CDK14: variants seen among roughly 807,000 people sequenced by gnomAD.
CDK14 encodes cyclin dependent kinase 14, also known as cyclin-dependent kinase 14.
Under a neutral mutation model 60.7 loss-of-function variants are expected in CDK14, and 34 were observed. The ratio of observed to expected loss-of-function variants is 0.56; its 90% CI spans 0.43 to 0.75. The LOEUF (loss-of-function observed/expected upper bound fraction) is 0.75, where lower values mean the gene tolerates loss of function less well. Ranked by LOEUF, CDK14 falls within the 30% of genes least tolerant of loss-of-function variation. CDK14 has a pLI of 0.00. For missense variants in CDK14, 482 were observed against 564.1 expected (o/e 0.85, Z 1.47); for synonymous variants, 197 against 203.7 (o/e 0.97, Z 0.28).
intron 11 of CDK14, among the ~76,000 whole-genome samples, chr7:91,047,769 A>G (rs1041951024): frequency 2.0e-5 from 3 of 152,174 alleles, no homozygotes; most frequent in African/African-American, 7.2e-5. Flanking sequence ...CACAGCACAT[A>G]AGTGTTTCCT....
At chr7:90,814,463 C>T (rs1226089028) in intron 5 of CDK14, among the ~76,000 whole-genome samples, 1 of 151,902 alleles carries the variant, frequency 6.6e-6, no homozygotes, top group Non-Finnish European at 1.5e-5. Context: ...AGAAAATAAC[C>T]CAATATGAGC....
intron 14 of CDK14, among the ~76,000 whole-genome samples, chr7:91,179,178 A>G (rs1283398247): frequency 6.6e-6 from 1 of 152,116 alleles, no homozygotes; most frequent in Admixed American, 6.6e-5. Context: ...GCAGCCATAA[A>G]AAATGATGAG....
chr7:91,159,648 C>T (rs1801104968), intron 14 of CDK14, among the ~76,000 whole-genome samples: 1 of 152,172 alleles, frequency 6.6e-6, no homozygotes, highest in South Asian at 2.1e-4. Context: ...GGGCTCCAGA[C>T]CACAGTAATC....
chr7:90,624,167 G>C (rs549695217), intron 2 of CDK14, among the ~76,000 whole-genome samples: 1 of 152,238 alleles, frequency 6.6e-6, no homozygotes, highest in South Asian at 2.1e-4. Context: ...ACAGTCTTCT[G>C]TTCTCACAGT....
chr7:90,880,139 TG>T (rs2076793378), intron 6 of CDK14, among the ~76,000 whole-genome samples: 1 of 152,208 alleles, frequency 6.6e-6, no homozygotes, highest in Non-Finnish European at 1.5e-5. Flanking sequence ...TTGAGCTCCT[TG>T]GGGGAGGGAC....
At chr7:91,079,895 T>C (rs1295159113) in intron 12 of CDK14, among the ~76,000 whole-genome samples, 1 of 152,250 alleles carries the variant, frequency 6.6e-6, no homozygotes, top group Non-Finnish European at 1.5e-5. Context: ...ATTTTTCCCT[T>C]ACGCCTTATT....
At position 90,596,405 on chromosome 7, in the gene CDK14, C is replaced by G; in HGVS notation, c.-223C>G. On this transcript the variant is annotated 5_prime_UTR_variant, in exon 1 of 15. Transcript: ENST00000380050. ...GCGAGCGCGGCCGCCCCCGGCACCA[C>G]GTAAACCGCCCCCGCCCGCCCAGCT... 1 of 279,638 alleles carries G rather than the reference C, an allele frequency of 3.6e-6. No individual in the cohort carries two copies. Among genetic ancestry groups the G allele is most frequent in the Non-Finnish European group, 6.6e-6 (1 of 150,408 alleles). 17.3% of individuals were successfully genotyped at this position (279,638 alleles called of 1,614,324 possible). A position where few individuals can be genotyped will look rare whatever the true frequency, so the allele number is the denominator to read the frequency against.
At chr7:90,881,309 A>G (rs1241025971) in intron 6 of CDK14, among the ~76,000 whole-genome samples, 1 of 152,216 alleles carries the variant, frequency 6.6e-6, no homozygotes, top group South Asian at 2.1e-4. Context: ...CAGAATATCA[A>G]CAGCTGAATA....
chr7:90,638,961 A>T (rs1205914461), intron 2 of CDK14, among the ~76,000 whole-genome samples: 1 of 151,830 alleles, frequency 6.6e-6, no homozygotes, highest in Non-Finnish European at 1.5e-5. Context: ...GTAGTTCTCG[A>T]GCCTTGGCTT....
At chr7:90,811,227 C>G (rs1276372196) in intron 5 of CDK14, among the ~76,000 whole-genome samples, 1 of 152,094 alleles carries the variant, frequency 6.6e-6, no homozygotes, top group Non-Finnish European at 1.5e-5. Context: ...TACTACAAGG[C>G]TACAGTAACC....
At chr7:90,765,945 C>A (rs1003508118) in intron 4 of CDK14, among the ~76,000 whole-genome samples, 7 of 152,154 alleles carry the variant, frequency 4.6e-5, no homozygotes, top group Non-Finnish European at 1.0e-4. Flanking sequence ...ATTTCATATG[C>A]TCCATGTAAT....
intron 14 of CDK14, among the ~76,000 whole-genome samples, chr7:91,161,247 G>A (rs1057181390): frequency 2.0e-5 from 3 of 152,306 alleles, no homozygotes; most frequent in Admixed American, 6.5e-5. Context: ...TCAGGAAGGA[G>A]CCTCCCAAGG....
At chr7:90,806,989 C>T (rs1407061193) in intron 5 of CDK14, among the ~76,000 whole-genome samples, 1 of 152,222 alleles carries the variant, frequency 6.6e-6, no homozygotes, top group Non-Finnish European at 1.5e-5. Flanking sequence ...CTGGGTGGAG[C>T]CCACTGCAGC....
chr7:90,605,355 C>T (rs2116323256), intron 2 of CDK14, among the ~76,000 whole-genome samples: 1 of 152,256 alleles, frequency 6.6e-6, no homozygotes, highest in Non-Finnish European at 1.5e-5. Flanking sequence ...GCTGTGTGTC[C>T]CTGGACTCCA....
chr7:90,756,447 C>T (rs571513650), intron 4 of CDK14, among the ~76,000 whole-genome samples: 13 of 152,102 alleles, frequency 8.5e-5, no homozygotes, highest in Non-Finnish European at 1.3e-4. Flanking sequence ...TTGTTCTGGA[C>T]GGTTAATAGT....
chr7:91,079,144 C>G (rs1233532785), intron 11 of CDK14, among the ~76,000 whole-genome samples: 1 of 152,068 alleles, frequency 6.6e-6, no homozygotes, highest in Non-Finnish European at 1.5e-5. Context: ...ATTTGCATTT[C>G]TTTTTTCAAC....
intron 14 of CDK14, among the ~76,000 whole-genome samples, chr7:91,132,051 A>G (rs1800135054): frequency 1.3e-5 from 2 of 152,002 alleles, no homozygotes; most frequent in Admixed American, 1.3e-4. Flanking sequence ...TTGGTGCTCT[A>G]CTAGACAATA....
chr7:90,907,746 G>C (rs1792758415), intron 7 of CDK14, among the ~76,000 whole-genome samples: 1 of 152,028 alleles, frequency 6.6e-6, no homozygotes, highest in Non-Finnish European at 1.5e-5. Flanking sequence ...TTAATTAAAA[G>C]GATAGGAGGT....
intron 5 of CDK14, among the ~76,000 whole-genome samples, chr7:90,805,128 C>T (rs754593840): frequency 3.9e-5 from 6 of 152,110 alleles, no homozygotes; most frequent in Non-Finnish European, 8.8e-5. Context: ...ATACATTCTT[C>T]CATTCAAAAT....
Sources: allele counts gnomAD v4.1 joint callset (sites outside exome capture counted in the v4.1 genomes callset), GRCh38; gene constraint gnomAD v4.1.1; transcripts MANE v1.5; gene names NCBI Gene and HGNC (gene_info 2026-07-23, HGNC 2026-07-21).